Variants in CLTCL1 observed in about 807,000 individuals in gnomAD.
The protein encoded by CLTCL1 is clathrin heavy chain like 1.
In CLTCL1, 159 loss-of-function variants were observed where a neutral mutation model predicts 190.0. The ratio of observed to expected loss-of-function variants is 0.84; its 90% CI spans 0.74 to 0.95. The LOEUF (loss-of-function observed/expected upper bound fraction) is 0.95, where lower values mean the gene tolerates loss of function less well. Among genes scored for constraint, CLTCL1 ranks in the 40% least tolerant of loss-of-function variants. CLTCL1 has a pLI of 0.00. For missense variants in CLTCL1, 1,878 were observed against 2,033.4 expected (o/e 0.92, Z 1.47); for synonymous variants, 752 against 769.6 (o/e 0.98, Z 0.38).
At chr22:19,247,118 T>C (rs540209719) in intron 3 of CLTCL1, among the ~76,000 whole-genome samples, 1 of 152,360 alleles carries the variant, frequency 6.6e-6, no homozygotes, top group African/African-American at 2.4e-5. Context: ...CTAAGAGTTT[T>C]GTAGTTTTAC....
At chr22:19,233,644 G>A in intron 7 of CLTCL1, 22 bp from the exon 8 acceptor site, 1 of 1,607,022 alleles carries the variant, frequency 6.2e-7, no homozygotes, top group Non-Finnish European at 8.5e-7. Context: ...TGGAAAAATA[G>A]GTCATTGTGT....
chr22:19,221,398 C>G lies in CLTCL1; in HGVS notation c.2775G>C (p.Gln925His). ...CCACCTTGATGAGCTCAAGGTCACA[C>G]TGCCCCCGCTCATAGGCAACACAGG... is the stretch of plus-strand genomic sequence containing the variant. ...HLACVAYERG[Q>H]CDLELIKVCN... is the part of the protein sequence containing the mutation. The change falls in exon 17 of 33, where the codon CAG becomes CAC. Residue 925 changes from glutamine (Q) to histidine (H), a missense_variant. Transcript: ENST00000427926. 6.4e-7 allele frequency: 1 copy of G among 1,553,622 alleles called. No individual in the cohort carries two copies. Among genetic ancestry groups the G allele is most frequent in the Non-Finnish European group, 8.7e-7 (1 of 1,148,026 alleles).
At chr22:19,232,670 C>T in intron 9 of CLTCL1, 72 bp from the exon 10 acceptor site, 2 of 1,529,446 alleles carry the variant, frequency 1.3e-6, no homozygotes, top group East Asian at 4.9e-5. Context: ...AGTTATCCAT[C>T]CTTTGTTTTA....
intron 4 of CLTCL1, among the ~76,000 whole-genome samples, chr22:19,241,077 C>T (rs2086239451): frequency 6.6e-6 from 1 of 152,234 alleles, no homozygotes; most frequent in Admixed American, 6.5e-5. Context: ...AGACACAGGG[C>T]CGCTCCAGGA....
At chr22:19,233,883 T>G (rs2073754) in intron 7 of CLTCL1, among the ~76,000 whole-genome samples, 58,415 of 152,014 alleles carry the variant, frequency 0.38, 12,136 homozygotes, top group South Asian at 0.54. Flanking sequence ...GGCCTCTCAA[T>G]CAGTCTTGTA....
chr22:19,183,768 C>T, intron 29 of CLTCL1, 157 bp from the exon 30 acceptor site: 1 of 706,170 alleles, frequency 1.4e-6, no homozygotes, highest in Admixed American at 2.5e-5. Flanking sequence ...TTCCCTATGC[C>T]CTGCTGCCCA....
At chr22:19,226,469 G>T in intron 11 of CLTCL1, 86 bp from the exon 12 acceptor site, 2 of 1,475,340 alleles carry the variant, frequency 1.4e-6, no homozygotes, top group Non-Finnish European at 1.9e-6. Context: ...CCAGGGTAGG[G>T]TATAGCCTGG....
In CLTCL1 at chr22:19,242,711, C is replaced by T. The variant is rs145265081; in HGVS notation, c.681+64G>A. 1.8e-4 allele frequency: 286 copies of T among 1,578,748 alleles called. No homozygotes were observed. In the African/African-American group the frequency reaches 2.3e-3, roughly 13 times the overall value. On this transcript the variant is annotated intron_variant, in intron 4 of 32. Transcript: ENST00000427926. ...TGCAGGCCATGCCCAGCCACACACACGCACACCCCTAACACCAGCTCATGA... is the reference window on the plus strand; with the variant it reads ...TGCAGGCCATGCCCAGCCACACACATGCACACCCCTAACACCAGCTCATGA...
Position 19,258,643 on chromosome 22 carries a change from T to A in CLTCL1, c.251-4416A>T, listed in dbSNP as rs73377878. ...ATCCAGGTCAATCTGGAGGCTGAGA[T>A]CACCACCTACCACCGCCTGCTGGAA... On this transcript the variant is annotated intron_variant, in intron 2 of 32. Coordinates refer to ENST00000427926, the MANE Select transcript of CLTCL1 (RefSeq NM_007098.4). 62 of 635,226 alleles carry A rather than the reference T, an allele frequency of 9.8e-5. No homozygotes were observed. In the Admixed American group the frequency reaches 1.3e-3, roughly 13 times the overall value. 39.3% of individuals were successfully genotyped at this position (635,226 alleles called of 1,614,324 possible).
In CLTCL1 at chr22:19,236,000, C is replaced by T; in HGVS notation, c.796-131G>A. 3.7e-6 allele frequency: 3 copies of T among 821,260 alleles called. No individual in the cohort carries two copies. The South Asian group carries it at 5.4e-5, about 15-fold the overall frequency. The allele number at this position is 821,260 out of a possible 1,614,324, so 50.9% of individuals were successfully genotyped here. On this transcript the variant is annotated intron_variant, in intron 5 of 32. Coordinates refer to ENST00000427926, the MANE Select transcript of CLTCL1 (RefSeq NM_007098.4). ...TTTGAGATAGGGTCGTGCTCTGTCACCCAGGCTGGAGTGTAGTGGTGCCAC... is the reference window on the plus strand; with the variant it reads ...TTTGAGATAGGGTCGTGCTCTGTCATCCAGGCTGGAGTGTAGTGGTGCCAC...
intron 18 of CLTCL1, 27 bp downstream of exon 18, chr22:19,219,858 G>A: frequency 6.2e-7 from 1 of 1,613,730 alleles, no homozygotes. Context: ...ATGCAGGTGT[G>A]CAGACATACC....
chr22:19,281,168 G>A (rs1555986449), intron 1 of CLTCL1, among the ~76,000 whole-genome samples: 2 of 151,616 alleles, frequency 1.3e-5, no homozygotes, highest in African/African-American at 2.4e-5. Context: ...GGTGGTGGGT[G>A]CCTGTAGTCC....
intron 2 of CLTCL1, among the ~76,000 whole-genome samples, chr22:19,260,264 C>T (rs1555974802): frequency 6.6e-6 from 1 of 152,160 alleles, no homozygotes; most frequent in East Asian, 1.9e-4. Flanking sequence ...CTCCAGACGA[C>T]CTAGCTAAGA....
intron 15 of CLTCL1, 83 bp downstream of exon 15, chr22:19,222,601 G>A: frequency 4.0e-6 from 6 of 1,489,538 alleles, no homozygotes; most frequent in Non-Finnish European, 5.5e-6. Flanking sequence ...AATGTCAGGT[G>A]TTACAGGCAG....
In CLTCL1 at chr22:19,210,416, C is replaced by T. The variant is rs782192205; in HGVS notation, c.3159G>A (p.Leu1053=). 2.8e-5 allele frequency: 45 copies of T among 1,613,880 alleles called. No homozygotes were observed. In the South Asian group the frequency reaches 4.8e-4, roughly 17 times the overall value. The change falls in exon 20 of 33, where the codon CTG becomes CTA. Residue 1053 remains leucine, a synonymous_variant. Coordinates refer to ENST00000427926, the MANE Select transcript of CLTCL1 (RefSeq NM_007098.4). ...TGCTGACAGCGATGCTCGCGATGTCCAGTGCGTCATAGTTGTCCAGGCGGC... is the reference window on the plus strand; with the variant it reads ...TGCTGACAGCGATGCTCGCGATGTCTAGTGCGTCATAGTTGTCCAGGCGGC... ...YISRLDNYDA[L]DIASIAVSSA...
In CLTCL1 at chr22:19,180,721, T is replaced by A; in HGVS notation, c.4903+10A>T. 1 of 1,613,470 alleles carries A rather than the reference T, an allele frequency of 6.2e-7. No homozygotes were observed. Among genetic ancestry groups the A allele is most frequent in the Non-Finnish European group, 8.5e-7 (1 of 1,179,620 alleles). On this transcript the variant is annotated intron_variant, in intron 31 of 32. Coordinates refer to ENST00000427926, the MANE Select transcript of CLTCL1 (RefSeq NM_007098.4). ...TCCCCAGGGGGTTGGGGGCTACAGG[T>A]GCCACCTACCAAACACGAGAGGGGC...
intron 2 of CLTCL1, among the ~76,000 whole-genome samples, chr22:19,270,822 C>A (rs1233694650): frequency 6.7e-6 from 1 of 150,284 alleles, no homozygotes; most frequent in Non-Finnish European, 1.5e-5. Flanking sequence ...AAAATCTGGA[C>A]CAAAAATTCT....
intron 9 of CLTCL1, chr22:19,232,939 G>T: frequency 1.7e-6 from 1 of 585,240 alleles, no homozygotes; most frequent in Non-Finnish European, 2.9e-6. Flanking sequence ...GAAAAAACAA[G>T]ATAAAGCTCC....
At chr22:19,237,520 G>A (rs529320066) in intron 5 of CLTCL1, among the ~76,000 whole-genome samples, 1 of 152,284 alleles carries the variant, frequency 6.6e-6, no homozygotes, top group East Asian at 1.9e-4. Context: ...TGATGAGAGT[G>A]TGCCCCTGAC....
Sources: gnomAD v4.1 joint callset for allele counts (sites outside exome capture counted in the v4.1 genomes callset) on GRCh38, gnomAD v4.1.1 for gene constraint, MANE v1.5 for transcripts, NCBI Gene and HGNC (gene_info 2026-07-23, HGNC 2026-07-21) for gene names.